The following BOD1 variants were observed in gnomAD, a reference collection of about 807,000 sequenced individuals.
BOD1 encodes the protein biorientation of chromosomes in cell division 1.
In BOD1, 11 loss-of-function variants were observed where a neutral mutation model predicts 15.7. The ratio of observed to expected loss-of-function variants is 0.70; its 90% CI spans 0.44 to 1.16. The LOEUF is 1.16. Ranked by LOEUF, BOD1 falls within the 50% of genes most tolerant of loss-of-function variation. BOD1 has a pLI of 0.00. For synonymous variants in BOD1, 105 were observed against 103.5 expected (o/e 1.01, Z -0.09); for missense variants, 182 against 244.5 (o/e 0.74, Z 1.70).
rs951443018 is a variant in BOD1, at chr5:173,616,391, C to T, written c.46G>A (p.Gly16Ser). The T allele has an allele frequency of 7.2e-6, 11 of 1,520,906 alleles. No homozygotes were observed. The highest frequency in any genetic ancestry group is 4.3e-5 in the African/African-American group (3 of 69,872). 94.2% of individuals were successfully genotyped at this position (1,520,906 alleles called of 1,614,324 possible). ...CCGGCAGAGGCCTGGCTAGTTCCGCCGCCGCCCACCGCGCCAGTTCCCCCG... is the reference window on the plus strand; with the variant it reads ...CCGGCAGAGGCCTGGCTAGTTCCGCTGCCGCCCACCGCGCCAGTTCCCCCG... Reference protein sequence around the residue: ...GGGGTGAVGGGGTSQASAGAA... With the variant: ...GGGGTGAVGGSGTSQASAGAA... Residue 16 changes from glycine to serine, a missense_variant, in exon 1 of 4, where the codon GGC becomes AGC. Physicochemically the swap from Gly to Ser is moderately conservative, Grantham distance 56. This residue lies in a region of BOD1 where 72 missense variants were observed against 68.9 expected (regional missense o/e 1.05). Transcript: ENST00000311086.
At chr5:173,611,322 C>T (rs773366885) in intron 2 of BOD1, among the ~76,000 whole-genome samples, 4 of 152,226 alleles carry the variant, frequency 2.6e-5, no homozygotes, top group Non-Finnish European at 5.9e-5. Context: ...TGGGCCAGAA[C>T]AGCCAGGCCA....
intron 2 of BOD1, 82 bp downstream of exon 2, chr5:173,613,049 G>T: frequency 6.6e-7 from 1 of 1,507,318 alleles, no homozygotes; most frequent in East Asian, 2.3e-5. Flanking sequence ...CATCAACCTT[G>T]ACTAAACAGA....
chr5:173,610,868 C>G (rs1308788923), intron 2 of BOD1, among the ~76,000 whole-genome samples: 3 of 152,160 alleles, frequency 2.0e-5, no homozygotes, highest in Non-Finnish European at 4.4e-5. Flanking sequence ...AATTTATGCC[C>G]TTACAAAAGG....
intron 3 of BOD1, among the ~76,000 whole-genome samples, chr5:173,608,961 TC>T (rs1184652831): frequency 6.6e-6 from 1 of 152,176 alleles, no homozygotes; most frequent in Non-Finnish European, 1.5e-5. Context: ...TTCATTTGAA[TC>T]CCCTTTATGC....
At chr5:173,615,240 T>C (rs1258490532) in intron 1 of BOD1, among the ~76,000 whole-genome samples, 2 of 152,252 alleles carry the variant, frequency 1.3e-5, no homozygotes, top group African/African-American at 4.8e-5. Flanking sequence ...GTCAGTTTTC[T>C]AACCTAGACT....
Position 173,608,104 on chromosome 5 carries a change from G to T in BOD1, c.*190C>A, listed in dbSNP as rs911312952. On this transcript the variant is annotated 3_prime_UTR_variant, in exon 4 of 4. Transcript: ENST00000311086. ...GCTGGCCAAATGGCAGCACAATGCA[G>T]GGGGTGACACGGTCAACTCTCCCAC... is the stretch of plus-strand genomic sequence containing the variant. The T allele has an allele frequency of 2.3e-5, 11 of 484,810 alleles. No homozygotes were observed. The African/African-American group carries it at 3.9e-4, about 17-fold the overall frequency. 30.0% of individuals were successfully genotyped at this position (484,810 alleles called of 1,614,324 possible).
intron 1 of BOD1, among the ~76,000 whole-genome samples, chr5:173,614,106 A>C (rs940111412): frequency 6.6e-6 from 1 of 152,248 alleles, no homozygotes; most frequent in Non-Finnish European, 1.5e-5. Context: ...AACAGAGATG[A>C]AAGACAGAAC....
chr5:173,614,437 C>G (rs1011574999), intron 1 of BOD1, among the ~76,000 whole-genome samples: 4 of 152,224 alleles, frequency 2.6e-5, no homozygotes, highest in African/African-American at 9.7e-5. Context: ...CCACTCATAA[C>G]GTTTTACTGT....
intron 2 of BOD1, among the ~76,000 whole-genome samples, chr5:173,612,308 C>G (rs747209165): frequency 5.3e-5 from 8 of 152,262 alleles, no homozygotes; most frequent in African/African-American, 1.9e-4. Flanking sequence ...CCTTGCGTAA[C>G]TAGTGCAATA....
Position 173,616,565 on chromosome 5 carries a change from G to GC in BOD1, c.-130dup. The GC allele has an allele frequency of 1.4e-6, 2 of 1,383,386 alleles. No homozygotes were observed. Among genetic ancestry groups the GC allele is most frequent in the South Asian group, 3.2e-5 (2 of 63,126 alleles). The allele number at this position is 1,383,386 out of a possible 1,614,324, so 85.7% of individuals were successfully genotyped here. On this transcript the variant is annotated 5_prime_UTR_variant, in exon 1 of 4. Coordinates refer to ENST00000311086, the MANE Select transcript of BOD1 (RefSeq NM_138369.3). Reference sequence around the variant, plus strand: ...CCCCAAGGCGGCAGCGGCGGAGGTGGCGATGGCGGCAGGGGCGGTGGTGGG... The same window carrying GC: ...CCCCAAGGCGGCAGCGGCGGAGGTGGCCGATGGCGGCAGGGGCGGTGGTGGG...
At chr5:173,615,568 T>C (rs1269463090) in intron 1 of BOD1, among the ~76,000 whole-genome samples, 3 of 152,214 alleles carry the variant, frequency 2.0e-5, no homozygotes, top group South Asian at 4.1e-4. Flanking sequence ...CATTATTTCA[T>C]TGAATCCAAA....
chr5:173,611,196 A>C (rs1755342003), intron 2 of BOD1, among the ~76,000 whole-genome samples: 1 of 152,256 alleles, frequency 6.6e-6, no homozygotes. Context: ...CCCAATGTAC[A>C]AGATGGAAAA....
intron 2 of BOD1, among the ~76,000 whole-genome samples, chr5:173,612,087 C>T (rs1280277756): frequency 2.0e-5 from 3 of 152,222 alleles, no homozygotes; most frequent in South Asian, 2.1e-4. Context: ...GAAAGGCACT[C>T]GGTACTGACT....
chr5:173,614,373 A>C (rs1755437464), intron 1 of BOD1, among the ~76,000 whole-genome samples: 1 of 152,244 alleles, frequency 6.6e-6, no homozygotes, highest in African/African-American at 2.4e-5. Context: ...ACACGTAACA[A>C]ACCCAGGCGA....
At chr5:173,611,057 C>T (rs553148575) in intron 2 of BOD1, among the ~76,000 whole-genome samples, 8 of 152,322 alleles carry the variant, frequency 5.3e-5, no homozygotes, top group South Asian at 2.1e-4. Context: ...ACCTAGTCTA[C>T]GGCGCCTTGT....
intron 3 of BOD1, 76 bp from the exon 4 acceptor site, chr5:173,608,368 A>T (rs1312176005): frequency 8.7e-7 from 1 of 1,145,196 alleles, no homozygotes; most frequent in East Asian, 2.3e-5. Context: ...TTCCTAAAGG[A>T]ATTTACAATT....
chr5:173,609,356 T>C lies in BOD1; in HGVS notation c.441A>G (p.Pro147=), dbSNP rs946595271. The change falls in exon 3 of 4, where the codon CCA becomes CCG. Residue 147 remains proline, a synonymous_variant. Coordinates refer to ENST00000311086, the MANE Select transcript of BOD1 (RefSeq NM_138369.3). ...VDPKLNHIFR[P]QIERAIHEFL... ...ACTCATGAATTGCTCGTTCTATTTG[T>C]GGCCTGAAGATGTGGTTAAGTTTTG... 2 of 1,614,144 alleles carry C rather than the reference T, an allele frequency of 1.2e-6. No homozygotes were observed. Among genetic ancestry groups the C allele is most frequent in the African/African-American group, 2.7e-5 (2 of 74,954 alleles).
In BOD1 at chr5:173,608,279, G is replaced by A. The variant is rs1402338952; in HGVS notation, c.*15C>T. On this transcript the variant is annotated 3_prime_UTR_variant, in exon 4 of 4. Coordinates refer to ENST00000311086, the MANE Select transcript of BOD1 (RefSeq NM_138369.3). ...TTCACCAAAAATTAGCTTTCAAAAG[G>A]TGTCTGGCGTATTCTAAAAAGGAAA... 2.5e-6 allele frequency: 4 copies of A among 1,611,442 alleles called. No homozygotes were observed. Among genetic ancestry groups the A allele is most frequent in the Non-Finnish European group, 3.4e-6 (4 of 1,177,554 alleles).
In BOD1 at chr5:173,613,380, A is replaced by T. The variant is rs575877123; in HGVS notation, c.238-125T>A. The T allele has an allele frequency of 1.2e-4, 143 of 1,148,714 alleles. 1 individual carries two copies. In the Middle Eastern group the frequency reaches 5.2e-3, roughly 42 times the overall value. 71.2% of individuals were successfully genotyped at this position (1,148,714 alleles called of 1,614,324 possible). A position where few individuals can be genotyped will look rare whatever the true frequency, so the allele number is the denominator to read the frequency against. ...TCTAAATACACTTCCACTGTGCATGAAGATCACCATGCAATGTGGCAGTCA... is the reference window on the plus strand; with the variant it reads ...TCTAAATACACTTCCACTGTGCATGTAGATCACCATGCAATGTGGCAGTCA... On this transcript the variant is annotated intron_variant, in intron 1 of 3. Transcript: ENST00000311086.
Sources: allele counts gnomAD v4.1 joint callset (sites outside exome capture counted in the v4.1 genomes callset), GRCh38; gene constraint gnomAD v4.1.1; regional missense constraint gnomAD v4.1.1; transcripts MANE v1.5; gene names NCBI Gene and HGNC (gene_info 2026-07-23, HGNC 2026-07-21).